The following STXBP5L variants were observed in gnomAD, a reference collection of about 807,000 sequenced individuals.
The protein encoded by STXBP5L is syntaxin binding protein 5L.
STXBP5L carries 65 observed loss-of-function variants against 144.5 expected under a neutral mutation model. The ratio of observed to expected loss-of-function variants is 0.45; its 90% CI spans 0.37 to 0.55. The LOEUF (loss-of-function observed/expected upper bound fraction) is 0.55, where lower values mean the gene tolerates loss of function less well. STXBP5L is among the 20% of genes least tolerant of loss of function. STXBP5L has a pLI of 0.00. For synonymous variants in STXBP5L, 505 were observed against 469.6 expected (o/e 1.08, Z -0.97); for missense variants, 1,298 against 1,405.5 (o/e 0.92, Z 1.22).
intron 20 of STXBP5L, among the ~76,000 whole-genome samples, chr3:121,330,814 T>C (rs983137575): frequency 4.6e-5 from 7 of 152,228 alleles, no homozygotes; most frequent in African/African-American, 1.2e-4. Context: ...CCTGAGTCTG[T>C]TCACATGACC....
At chr3:121,368,728 G>C (rs527286908) in intron 20 of STXBP5L, among the ~76,000 whole-genome samples, 1 of 152,116 alleles carries the variant, frequency 6.6e-6, no homozygotes, top group Non-Finnish European at 1.5e-5. Context: ...TAATCTTAAG[G>C]TCTTCTTAAG....
At position 121,397,048 on chromosome 3, in the gene STXBP5L, G is replaced by A. The variant is rs538736053; in HGVS notation, c.2588-10195G>A. On this transcript the variant is annotated intron_variant, in intron 22 of 26. Transcript: ENST00000471454. ...CTCCGCTTTTTGAGCTGAAGTATAG[G>A]GTGTCTGGAAAACTTTACTTTTCGA... 4.8e-4 allele frequency among the ~76,000 whole-genome samples: 73 copies of A among 152,274 alleles called. 1 individual carries two copies. The Middle Eastern group carries it at 0.01, about 21-fold the overall frequency.
Position 121,418,495 on chromosome 3 carries a change from C to G in STXBP5L, c.3385C>G (p.Leu1129Val), listed in dbSNP as rs1056996271. ...LDERGQRLGELEEKTAGMMTS... is the reference protein window; with the variant it reads ...LDERGQRLGEVEEKTAGMMTS... Reference sequence around the variant, plus strand: ...TGAAAGAGGACAGAGGCTAGGAGAGCTGGAAGAGAAAACTGCAGGCATGAT... The same window carrying G: ...TGAAAGAGGACAGAGGCTAGGAGAGGTGGAAGAGAAAACTGCAGGCATGAT... Residue 1129 changes from leucine (L) to valine (V), a missense_variant, in exon 26 of 27, where the codon CTG becomes GTG. Coordinates refer to ENST00000471454, the MANE Select transcript of STXBP5L (RefSeq NM_001308330.2). The G allele has an allele frequency of 6.2e-7, 1 of 1,614,030 alleles. No individual in the cohort carries two copies. Among genetic ancestry groups the G allele is most frequent in the Non-Finnish European group, 8.5e-7 (1 of 1,179,962 alleles).
intron 2 of STXBP5L, among the ~76,000 whole-genome samples, chr3:120,952,123 G>T (rs1425893894): frequency 6.7e-6 from 1 of 149,800 alleles, no homozygotes; most frequent in African/African-American, 2.5e-5. Context: ...CATGGATACA[G>T]GAAGGGGAAC....
intron 9 of STXBP5L, among the ~76,000 whole-genome samples, chr3:121,164,318 G>A (rs139255653): frequency 6.6e-6 from 1 of 152,242 alleles, no homozygotes; most frequent in Non-Finnish European, 1.5e-5. Context: ...ACACCTATTA[G>A]GATGGCTGTT....
intron 10 of STXBP5L, among the ~76,000 whole-genome samples, chr3:121,210,685 G>A (rs2048527013): frequency 6.6e-6 from 1 of 152,134 alleles, no homozygotes. Flanking sequence ...TATTAAATAG[G>A]GAATCCTTTC....
At chr3:121,169,146 TG>T (rs1171667384) in intron 9 of STXBP5L, among the ~76,000 whole-genome samples, 1 of 152,218 alleles carries the variant, frequency 6.6e-6, no homozygotes, top group Non-Finnish European at 1.5e-5. Context: ...TGCTGAAAGA[TG>T]CTGTCCCCAC....
intron 5 of STXBP5L, among the ~76,000 whole-genome samples, chr3:121,079,416 A>C (rs1045380208): frequency 6.6e-6 from 1 of 152,232 alleles, no homozygotes; most frequent in Non-Finnish European, 1.5e-5. Context: ...GGAGTTGTGG[A>C]GTATAGATAA....
chr3:121,146,905 A>G (rs1355517063), intron 7 of STXBP5L, among the ~76,000 whole-genome samples: 3 of 152,066 alleles, frequency 2.0e-5, no homozygotes, highest in Non-Finnish European at 4.4e-5. Flanking sequence ...TTCATTTTGC[A>G]TGGAATCATG....
chr3:120,982,568 G>T (rs752462428), intron 3 of STXBP5L, among the ~76,000 whole-genome samples: 42 of 152,320 alleles, frequency 2.8e-4, no homozygotes, highest in Admixed American at 7.8e-4. Flanking sequence ...GTGTAACTGA[G>T]GGCTGCAGAA....
chr3:121,218,063 C>CTATAGTATAATAT, intron 10 of STXBP5L, among the ~76,000 whole-genome samples: 2 of 139,550 alleles, frequency 1.4e-5, no homozygotes, highest in Non-Finnish European at 3.0e-5. Flanking sequence ...AATATATATA[C>CTATAGTATAATAT]ACTATATACA....
intron 9 of STXBP5L, among the ~76,000 whole-genome samples, chr3:121,162,319 G>A (rs1432531464): frequency 6.6e-6 from 1 of 152,120 alleles, no homozygotes; most frequent in Non-Finnish European, 1.5e-5. Flanking sequence ...GTGCAATGGG[G>A]AAAGGGTTCC....
At chr3:121,352,818 T>G (rs945865412) in intron 20 of STXBP5L, among the ~76,000 whole-genome samples, 2 of 152,110 alleles carry the variant, frequency 1.3e-5, no homozygotes, top group Admixed American at 1.3e-4. Context: ...GGGTGTGGGT[T>G]TGTCATAAGT....
At chr3:121,018,976 G>T (rs984567160) in intron 3 of STXBP5L, among the ~76,000 whole-genome samples, 3 of 152,212 alleles carry the variant, frequency 2.0e-5, no homozygotes, top group Admixed American at 6.5e-5. Context: ...GCCTGGGGCA[G>T]ATTCTCAGCC....
At chr3:121,361,484 C>T (rs1487875248) in intron 20 of STXBP5L, among the ~76,000 whole-genome samples, 1 of 151,852 alleles carries the variant, frequency 6.6e-6, no homozygotes, top group Non-Finnish European at 1.5e-5. Context: ...TTTTTATTCT[C>T]TTTTCTTTTG....
At chr3:121,048,409 C>T (rs922964170) in intron 5 of STXBP5L, among the ~76,000 whole-genome samples, 22 of 152,156 alleles carry the variant, frequency 1.4e-4, no homozygotes, top group African/African-American at 3.9e-4. Flanking sequence ...AGGCTGGGGA[C>T]GTTTTCATGG....
chr3:121,391,762 C>A (rs1275317521), intron 22 of STXBP5L, among the ~76,000 whole-genome samples: 2 of 152,120 alleles, frequency 1.3e-5, no homozygotes, highest in African/African-American at 4.8e-5. Flanking sequence ...GCTGCCTGAT[C>A]CTTCCTCTGG....
chr3:120,982,174 T>C (rs143855066), intron 3 of STXBP5L, among the ~76,000 whole-genome samples: 1 of 152,192 alleles, frequency 6.6e-6, no homozygotes, highest in African/African-American at 2.4e-5. Flanking sequence ...AGAGTGGCTG[T>C]GGCAGAAGCA....
At chr3:120,963,597 C>G (rs532104504) in intron 3 of STXBP5L, among the ~76,000 whole-genome samples, 2 of 152,110 alleles carry the variant, frequency 1.3e-5, no homozygotes, top group Non-Finnish European at 2.9e-5. Context: ...TATGTTGAAC[C>G]AGTCTTGCAT....
Sources: allele counts gnomAD v4.1 joint callset (sites outside exome capture counted in the v4.1 genomes callset), GRCh38; gene constraint gnomAD v4.1.1; transcripts MANE v1.5; gene names NCBI Gene and HGNC (gene_info 2026-07-23, HGNC 2026-07-21).